COL4A4: variants seen among roughly 807,000 people sequenced by gnomAD.
The protein encoded by COL4A4 is collagen alpha-4(IV) chain.
COL4A4 carries 105 observed loss-of-function variants against 192.9 expected under a neutral mutation model. That is an observed-to-expected ratio of 0.54 (90% confidence interval 0.46 to 0.64). The LOEUF (loss-of-function observed/expected upper bound fraction) is 0.64, where lower values mean the gene tolerates loss of function less well. Among genes scored for constraint, COL4A4 ranks in the 30% least tolerant of loss-of-function variants. The probability of loss-of-function intolerance (pLI) is 0.00; values close to 1 mark genes in which losing one functional copy is unlikely to be tolerated. For missense variants in COL4A4, 1,967 were observed against 2,169.3 expected (o/e 0.91, Z 1.85); for synonymous variants, 762 against 769.9 (o/e 0.99, Z 0.17).
chr2:227,091,104 A>T (rs1451486127), intron 20 of COL4A4, among the ~76,000 whole-genome samples: 1 of 152,024 alleles, frequency 6.6e-6, no homozygotes, highest in African/African-American at 2.4e-5. Context: ...CGCCAAAAAA[A>T]CCTAGAAGAA....
the COL4A4 span, among the ~76,000 whole-genome samples, chr2:226,986,946 G>A: frequency 5.9e-4 from 90 of 152,292 alleles, no homozygotes; most frequent in Non-Finnish European, 1.1e-3. Flanking sequence ...ATCAGTGATC[G>A]ACTGGATAAA....
At chr2:227,036,862 CTT>C (rs897023734) in intron 37 of COL4A4, among the ~76,000 whole-genome samples, 1 of 152,102 alleles carries the variant, frequency 6.6e-6, no homozygotes, top group Non-Finnish European at 1.5e-5. Context: ...CATGGCATCT[CTT>C]TTCTGAGGAA....
At chr2:227,097,751 C>A (rs9989875) in intron 19 of COL4A4, among the ~76,000 whole-genome samples, 20,902 of 152,136 alleles carry the variant, frequency 0.14, 2,438 homozygotes, top group African/African-American at 0.32. Context: ...AGCTTTTCCA[C>A]CTTTGTGGTT....
rs886294371 is a variant in COL4A4 at position 227,003,913 on chromosome 2, C to A, written c.*3412G>T. 1 of 152,118 alleles carries A rather than the reference C, an allele frequency of 6.6e-6. No homozygotes were observed. The highest frequency in any genetic ancestry group is 2.4e-5 in the African/African-American group (1 of 41,426). The allele number at this position is 152,118 out of a possible 1,614,324, so 9.4% of individuals were successfully genotyped here. A position where few individuals can be genotyped will look rare whatever the true frequency, so the allele number is the denominator to read the frequency against. ...ATTGGCTTTCTGGCAATAATTGTAA[C>A]AAGAGAATGTGGGTATACAAATATG... On this transcript the variant is annotated 3_prime_UTR_variant, in exon 48 of 48. Coordinates refer to ENST00000396625, the MANE Select transcript of COL4A4 (RefSeq NM_000092.5).
Position 227,101,852 on chromosome 2 carries a change from G to A in COL4A4, c.975+13C>T, listed in dbSNP as rs1275047853. 1 of 1,556,162 alleles carries A rather than the reference G, an allele frequency of 6.4e-7. No homozygotes were observed. The highest frequency in any genetic ancestry group is 1.4e-5 in the African/African-American group (1 of 73,606). ...GAAATGTATTTATTATCTCTATAATGAGGTACATTTACCTTTAATCCTGGA... is the reference window on the plus strand; with the variant it reads ...GAAATGTATTTATTATCTCTATAATAAGGTACATTTACCTTTAATCCTGGA... On this transcript the variant is annotated intron_variant, in intron 16 of 47. Transcript: ENST00000396625.
intron 44 of COL4A4, among the ~76,000 whole-genome samples, chr2:227,016,773 G>A (rs1575768799): frequency 6.6e-6 from 1 of 152,158 alleles, no homozygotes; most frequent in African/African-American, 2.4e-5. Context: ...CCCAGTGTCC[G>A]ATATGCTCCT....
intron 25 of COL4A4, among the ~76,000 whole-genome samples, chr2:227,066,784 G>C (rs527812733): frequency 4.0e-5 from 6 of 151,674 alleles, no homozygotes; most frequent in South Asian, 2.1e-4. Flanking sequence ...AAAGACCATC[G>C]AGACTAGGAA....
At chr2:227,121,983 G>A (rs2061825314) in intron 4 of COL4A4, among the ~76,000 whole-genome samples, 1 of 152,156 alleles carries the variant, frequency 6.6e-6, no homozygotes, top group African/African-American at 2.4e-5. Flanking sequence ...CCCTTTCGAA[G>A]GACAACATTT....
intron 17 of COL4A4, among the ~76,000 whole-genome samples, chr2:227,100,787 G>A (rs939127495): frequency 6.6e-6 from 1 of 150,638 alleles, no homozygotes; most frequent in African/African-American, 2.5e-5. Context: ...ATTATGGGGG[G>A]TGGGTCTTTC....
chr2:227,038,266 G>A (rs748586940), intron 37 of COL4A4, among the ~76,000 whole-genome samples: 4 of 152,134 alleles, frequency 2.6e-5, no homozygotes, highest in Non-Finnish European at 5.9e-5. Context: ...AAGGGGTCCG[G>A]TTTCAGTATT....
rs115550468 is a variant in COL4A4, at chr2:227,147,108, T to C, written c.71+305A>G. On this transcript the variant is annotated intron_variant, in intron 2 of 47. Transcript: ENST00000396625. ...TAGTCTGTCCTAACTCTTCTAGTTA[T>C]AGGGACCCTGAAACTTTGGGCATAT... Among the ~76,000 whole-genome samples the C allele has an allele frequency of 0.021, 3,166 of 152,244 alleles. 93 individuals are homozygous for C. The highest frequency in any genetic ancestry group is 0.068 in the African/African-American group (2,807 of 41,552).
chr2:227,140,904 C>G (rs2063162305), intron 3 of COL4A4, among the ~76,000 whole-genome samples: 1 of 151,744 alleles, frequency 6.6e-6, no homozygotes, highest in Non-Finnish European at 1.5e-5. Flanking sequence ...CACACACACA[C>G]ACACACACAC....
chr2:227,050,863 A>T, intron 33 of COL4A4, 114 bp downstream of exon 33: 1 of 1,256,760 alleles, frequency 8.0e-7, no homozygotes, highest in Non-Finnish European at 1.2e-6. Context: ...CTTACATTCT[A>T]AAAGCCAGTG....
chr2:226,994,593 TA>T, the COL4A4 span, among the ~76,000 whole-genome samples: 1 of 152,184 alleles, frequency 6.6e-6, no homozygotes, highest in African/African-American at 2.4e-5. Context: ...TGCTTAGAAG[TA>T]AACCTCTACT....
chr2:227,012,048 C>A (rs1001594850), intron 45 of COL4A4, 133 bp downstream of exon 45: 1 of 743,244 alleles, frequency 1.3e-6, no homozygotes, highest in Non-Finnish European at 2.5e-6. Flanking sequence ...GTCTCTGATA[C>A]CTGGTGAGTC....
chr2:227,071,095 C>T (rs779990679), intron 25 of COL4A4, among the ~76,000 whole-genome samples: 8 of 151,966 alleles, frequency 5.3e-5, no homozygotes, highest in Middle Eastern at 3.2e-3. Context: ...TGCTCCACTT[C>T]AAAGATACGG....
At chr2:226,993,834 C>T in the COL4A4 span, among the ~76,000 whole-genome samples, 1 of 152,226 alleles carries the variant, frequency 6.6e-6, no homozygotes, top group African/African-American at 2.4e-5. Flanking sequence ...TTTCCCACTG[C>T]TTTCTCTAAC....
chr2:227,102,503 T>C (rs1444923909), intron 15 of COL4A4, among the ~76,000 whole-genome samples: 1 of 152,210 alleles, frequency 6.6e-6, no homozygotes, highest in Non-Finnish European at 1.5e-5. Context: ...AAATTAACTA[T>C]TCCAAGCTAC....
chr2:227,103,911 C>G, intron 13 of COL4A4, 61 bp downstream of exon 13: 1 of 1,297,952 alleles, frequency 7.7e-7, no homozygotes, highest in Admixed American at 1.7e-5. Flanking sequence ...TGCCACAGAT[C>G]CATGTCAAAA....
Sources: allele counts gnomAD v4.1 joint callset (sites outside exome capture counted in the v4.1 genomes callset), GRCh38; gene constraint gnomAD v4.1.1; transcripts MANE v1.5; gene names NCBI Gene and HGNC (gene_info 2026-07-23, HGNC 2026-07-21).